RMDN1: variants seen among roughly 807,000 people sequenced by gnomAD.
RMDN1 encodes the protein regulator of microtubule dynamics protein 1.
In RMDN1, 48 loss-of-function variants were observed where a neutral mutation model predicts 48.9. The ratio of observed to expected loss-of-function variants is 0.98; its 90% CI spans 0.78 to 1.25. The LOEUF is 1.25. Among genes scored for constraint, RMDN1 ranks in the 50% most tolerant of loss-of-function variants. RMDN1 has a pLI of 0.00. For synonymous variants in RMDN1, 148 were observed against 132.6 expected (o/e 1.12, Z -0.80); for missense variants, 418 against 373.4 (o/e 1.12, Z -0.98).
chr8:86,497,698 C>A, intron 2 of RMDN1, among the ~76,000 whole-genome samples: 1 of 130,894 alleles, frequency 7.6e-6, no homozygotes. Flanking sequence ...AAGACACTAT[C>A]TCAAAAAAAA....
chr8:86,470,253 A>G (rs1812426972), downstream of RMDN1: 6 of 1,289,008 alleles, frequency 4.7e-6, no homozygotes, highest in Non-Finnish European at 6.1e-6. Context: ...TAAGCATCTC[A>G]ATCCAGCAGT....
chr8:86,478,780 G>A (rs1047790806), intron 7 of RMDN1, 143 bp downstream of exon 7: 15 of 734,034 alleles, frequency 2.0e-5, no homozygotes, highest in Non-Finnish European at 3.2e-5. Context: ...TAAGTGTTAA[G>A]CCTTGTGATA....
At chr8:86,472,022 T>C (rs750827049), downstream of RMDN1, among the ~76,000 whole-genome samples, 23 of 152,312 alleles carry the variant, frequency 1.5e-4, no homozygotes, top group Non-Finnish European at 3.1e-4. Flanking sequence ...TGGGTAGATA[T>C]TAGATGATGT....
At chr8:86,508,798 G>A (rs376434732), upstream of RMDN1, 18 of 1,247,752 alleles carry the variant, frequency 1.4e-5, no homozygotes, top group South Asian at 6.8e-5. Flanking sequence ...ACGGGCTTAG[G>A]GGGTGGGAAA....
intron 9 of RMDN1, 169 bp from the exon 10 acceptor site, chr8:86,474,527 T>C (rs1813036363): frequency 2.9e-6 from 2 of 689,620 alleles, no homozygotes; most frequent in Non-Finnish European, 5.2e-6. Flanking sequence ...TCTTCCACTT[T>C]AGTACACATC....
At chr8:86,475,155 T>G in intron 8 of RMDN1, 1 of 497,868 alleles carries the variant, frequency 2.0e-6, no homozygotes, top group East Asian at 3.4e-5. Flanking sequence ...CATCTACAAA[T>G]GTGCTAGGCA....
chr8:86,471,348 AGTATTGCTG>A (rs1268901121), downstream of RMDN1, among the ~76,000 whole-genome samples: 1 of 152,078 alleles, frequency 6.6e-6, no homozygotes, highest in Non-Finnish European at 1.5e-5. Flanking sequence ...TTGATGACCT[AGTATTGCTG>A]GTAACTCAAC....
intron 5 of RMDN1, chr8:86,481,751 T>G: frequency 2.3e-6 from 2 of 877,472 alleles, no homozygotes; most frequent in Non-Finnish European, 3.3e-6. Flanking sequence ...AATTCCTATT[T>G]TTTTAGCTTC....
chr8:86,473,082 A>G lies in RMDN1; in HGVS notation c.*1226T>C. ...TAGTCCCAAGTATTTCAGATAAGGG[A>G]TACACAACCTATATAGCAAAATCAC... On this transcript the variant is annotated 3_prime_UTR_variant, in exon 10 of 10. Coordinates refer to ENST00000406452, the MANE Select transcript of RMDN1 (RefSeq NM_016033.3). 1 of 980,816 alleles carries G rather than the reference A, an allele frequency of 1.0e-6. No homozygotes were observed. The highest frequency in any genetic ancestry group is 1.2e-6 in the Non-Finnish European group (1 of 825,740). The allele number at this position is 980,816 out of a possible 1,614,324, so 60.8% of individuals were successfully genotyped here. A position where few individuals can be genotyped will look rare whatever the true frequency, so the allele number is the denominator to read the frequency against.
chr8:86,474,580 G>A, intron 9 of RMDN1: 2 of 707,684 alleles, frequency 2.8e-6, no homozygotes, highest in Non-Finnish European at 5.1e-6. Flanking sequence ...GATCTGCCAT[G>A]TGTGTCAAAC....
At chr8:86,507,621 G>A (rs1586800697) in intron 1 of RMDN1, among the ~76,000 whole-genome samples, 2 of 152,136 alleles carry the variant, frequency 1.3e-5, no homozygotes, top group South Asian at 2.1e-4. Flanking sequence ...ATTACAGGCT[G>A]AGCCAAGGGG....
At chr8:86,508,821 G>T (rs1235806511), upstream of RMDN1, 12 of 1,288,526 alleles carry the variant, frequency 9.3e-6, no homozygotes, top group Non-Finnish European at 1.2e-5. Context: ...CCCCGATTGG[G>T]TGGGACTTAA....
Position 86,508,551 on chromosome 8 carries a change from G to C in RMDN1, c.70C>G (p.Pro24Ala). 6.3e-7 allele frequency: 1 copy of C among 1,593,980 alleles called. No individual in the cohort carries two copies. The change falls in exon 1 of 10, where the codon CCT (proline) becomes GCT (alanine). Residue 24 changes from proline (P) to alanine (A), a missense_variant. Coordinates refer to ENST00000406452, the MANE Select transcript of RMDN1 (RefSeq NM_016033.3). ...RRGAAPGSRL[P>A]AGTSGSRGHC... is the part of the protein sequence containing the mutation. The stretch of plus-strand genomic sequence containing the variant: ...CCGCGGCTGCCCGAAGTCCCCGCAG[G>C]GAGACGAGACCCCGGGGCGGCTCCA...
rs35575359 is a variant in RMDN1, at chr8:86,478,839, CAG to C, written c.729+82_729+83del. The C allele has an allele frequency of 1.5e-3, 1,549 of 1,059,106 alleles. 21 individuals are homozygous for C. In the African/African-American group the frequency reaches 0.02, roughly 14 times the overall value. The allele number at this position is 1,059,106 out of a possible 1,614,324, so 65.6% of individuals were successfully genotyped here. On this transcript the variant is annotated intron_variant, in intron 7 of 9. Coordinates refer to ENST00000406452, the MANE Select transcript of RMDN1 (RefSeq NM_016033.3). ...AAATTGCTCAAGTCCCTCACTGAAT[CAG>C]AGCTCCACATGTGTGAACACATGGT... is the stretch of plus-strand genomic sequence containing the variant.
At chr8:86,497,626 G>A (rs1030808008) in intron 2 of RMDN1, among the ~76,000 whole-genome samples, 4 of 151,638 alleles carry the variant, frequency 2.6e-5, no homozygotes, top group South Asian at 2.1e-4. Context: ...GCTTGAACTC[G>A]GGAGGCGGAG....
rs555024325 is a variant in RMDN1, at chr8:86,473,733, A to T, written c.*575T>A. On this transcript the variant is annotated 3_prime_UTR_variant, in exon 10 of 10. Coordinates refer to ENST00000406452, the MANE Select transcript of RMDN1 (RefSeq NM_016033.3). ...GTGGGCCGAGATTGTGCCACTGCAC[A>T]CCAGCCTGGGAAACAAAGTGAGACT... 5.1e-6 allele frequency: 4 copies of T among 780,234 alleles called. No individual in the cohort carries two copies. In the South Asian group the frequency reaches 1.8e-4, roughly 34 times the overall value. 48.3% of individuals were successfully genotyped at this position (780,234 alleles called of 1,614,324 possible).
chr8:86,498,652 A>T (rs1817750932), intron 2 of RMDN1, among the ~76,000 whole-genome samples: 1 of 151,988 alleles, frequency 6.6e-6, no homozygotes, highest in South Asian at 2.1e-4. Context: ...GTAGTGGTAT[A>T]CAACTGTAGC....
intron 1 of RMDN1, among the ~76,000 whole-genome samples, chr8:86,513,945 T>C (rs1240257797): frequency 6.6e-6 from 1 of 151,874 alleles, no homozygotes; most frequent in Non-Finnish European, 1.5e-5. Flanking sequence ...GAGCCCGTGA[T>C]CCTTCTGCCT....
At chr8:86,504,740 T>C in intron 2 of RMDN1, 2 of 1,018,146 alleles carry the variant, frequency 2.0e-6, no homozygotes, top group Non-Finnish European at 1.6e-6. Flanking sequence ...CCTGGTTTAT[T>C]GTGGCCGAAC....
Sources: allele counts gnomAD v4.1 joint callset (sites outside exome capture counted in the v4.1 genomes callset), GRCh38; gene constraint gnomAD v4.1.1; transcripts MANE v1.5; gene names NCBI Gene and HGNC (gene_info 2026-07-23, HGNC 2026-07-21).